ROBO2: variants seen among roughly 807,000 people sequenced by gnomAD.
ROBO2 encodes roundabout guidance receptor 2.
ROBO2 carries 53 observed loss-of-function variants against 160.8 expected under a neutral mutation model. That is an observed-to-expected ratio of 0.33 (90% CI 0.26 to 0.41). The LOEUF (loss-of-function observed/expected upper bound fraction) is 0.41, where lower values mean the gene tolerates loss of function less well. Ranked by LOEUF, ROBO2 falls within the 10% of genes least tolerant of loss-of-function variation. ROBO2 has a pLI of 1.00. For synonymous variants in ROBO2, 664 were observed against 611.7 expected (o/e 1.09, Z -1.26); for missense variants, 1,577 against 1,722.4 (o/e 0.92, Z 1.49).
At chr3:77,589,277 A>G (rs2094127937) in intron 17 of ROBO2, among the ~76,000 whole-genome samples, 1 of 152,100 alleles carries the variant, frequency 6.6e-6, no homozygotes, top group Non-Finnish European at 1.5e-5. Flanking sequence ...CTATGAAGCC[A>G]TGTTTGAGAA....
At chr3:76,210,882 G>A (rs1274595511) in intron 2 of ROBO2, among the ~76,000 whole-genome samples, 1 of 152,064 alleles carries the variant, frequency 6.6e-6, no homozygotes, top group East Asian at 1.9e-4. Context: ...TATCATTTGT[G>A]TATAATTTAA....
chr3:76,367,069 A>C (rs903616036), intron 2 of ROBO2, among the ~76,000 whole-genome samples: 5 of 152,050 alleles, frequency 3.3e-5, no homozygotes, highest in African/African-American at 1.2e-4. Context: ...AGAAACTTTT[A>C]ATTTCCTAAA....
intron 2 of ROBO2, among the ~76,000 whole-genome samples, chr3:76,935,997 A>G (rs576775106): frequency 2.0e-5 from 3 of 152,306 alleles, no homozygotes; most frequent in East Asian, 3.9e-4. Flanking sequence ...TAAGTGGCCA[A>G]TTCTTTTGTT....
chr3:76,566,897 A>G (rs1453978376), intron 2 of ROBO2, among the ~76,000 whole-genome samples: 1 of 152,214 alleles, frequency 6.6e-6, no homozygotes, highest in Non-Finnish European at 1.5e-5. Flanking sequence ...AAAATATTTC[A>G]CTGTGGCACA....
At chr3:77,229,229 T>C (rs1308341215) in intron 2 of ROBO2, among the ~76,000 whole-genome samples, 2 of 152,138 alleles carry the variant, frequency 1.3e-5, no homozygotes, top group Non-Finnish European at 2.9e-5. Context: ...CATTACCTAA[T>C]TCTCTCTTCA....
intron 1 of ROBO2, among the ~76,000 whole-genome samples, chr3:77,069,505 C>T: frequency 6.6e-6 from 1 of 152,118 alleles, no homozygotes; most frequent in East Asian, 1.9e-4. Context: ...AAAGAATATA[C>T]TAATAAAATT....
intron 23 of ROBO2, among the ~76,000 whole-genome samples, chr3:77,623,687 C>T (rs970641167): frequency 1.3e-5 from 2 of 152,158 alleles, no homozygotes; most frequent in Non-Finnish European, 2.9e-5. Flanking sequence ...TCTTCAAATG[C>T]AGAGAGCTGA....
chr3:77,185,455 A>G (rs1373803981), intron 2 of ROBO2, among the ~76,000 whole-genome samples: 3 of 152,028 alleles, frequency 2.0e-5, no homozygotes, highest in Non-Finnish European at 4.4e-5. Context: ...GTCAGTAACA[A>G]AACCACAATG....
intron 5 of ROBO2, among the ~76,000 whole-genome samples, chr3:77,496,202 T>C (rs2086758059): frequency 6.6e-6 from 1 of 152,208 alleles, no homozygotes; most frequent in Non-Finnish European, 1.5e-5. Flanking sequence ...CAGTTAAATA[T>C]TTTAAAAATA....
At chr3:76,454,037 G>A (rs1219263240) in intron 2 of ROBO2, among the ~76,000 whole-genome samples, 1 of 152,100 alleles carries the variant, frequency 6.6e-6, no homozygotes, top group Non-Finnish European at 1.5e-5. Context: ...TTTCTCCAAA[G>A]ACACTAAAAT....
rs201924967 is a variant in ROBO2 at position 76,811,547 on chromosome 3, CTGG to C, written c.110-286464_110-286462del. ...TGGACTTTATACCTCATCCAAACTC[CTGG>C]TGACCAACTCACCCATAACTACAAG... On this transcript the variant is annotated intron_variant, in intron 2 of 26. Coordinates refer to the ROBO2 transcript ENST00000487694. Among the ~76,000 whole-genome samples the C allele has an allele frequency of 4.6e-3, 695 of 152,194 alleles. 9 individuals carry two copies. The highest frequency in any genetic ancestry group is 0.016 in the African/African-American group (662 of 41,542).
intron 2 of ROBO2, among the ~76,000 whole-genome samples, chr3:77,389,454 A>C (rs1161247957): frequency 1.3e-5 from 2 of 152,128 alleles, no homozygotes; most frequent in Non-Finnish European, 2.9e-5. Flanking sequence ...AAAGATTTCC[A>C]TGATCATGCA....
chr3:77,417,519 G>C (rs993695512), intron 2 of ROBO2, among the ~76,000 whole-genome samples: 27 of 151,922 alleles, frequency 1.8e-4, no homozygotes, highest in Non-Finnish European at 1.5e-5. Context: ...AATGCATCAA[G>C]CTTCTTATTG....
At chr3:77,028,652 G>A (rs60533670) in intron 2 of ROBO2, among the ~76,000 whole-genome samples, 5,046 of 152,192 alleles carry the variant, frequency 0.033, 269 homozygotes, top group African/African-American at 0.11. Flanking sequence ...CCTGGGAGAC[G>A]GGGTTGCAGT....
intron 2 of ROBO2, among the ~76,000 whole-genome samples, chr3:76,578,416 A>AC (rs1273858022): frequency 1.3e-5 from 2 of 151,000 alleles, no homozygotes; most frequent in Non-Finnish European, 3.0e-5. Flanking sequence ...TTCACCTCTC[A>AC]CCCCCCATTC....
intron 5 of ROBO2, among the ~76,000 whole-genome samples, chr3:77,511,835 A>G (rs2089434754): frequency 6.6e-6 from 1 of 151,920 alleles, no homozygotes; most frequent in African/African-American, 2.4e-5. Context: ...GCTTCTTACT[A>G]TTTCCCTGCA....
At chr3:76,960,950 T>A (rs1218445367) in intron 2 of ROBO2, among the ~76,000 whole-genome samples, 1 of 152,086 alleles carries the variant, frequency 6.6e-6, no homozygotes, top group East Asian at 1.9e-4. Context: ...TGTAAATCAC[T>A]GAATAGACAA....
intron 2 of ROBO2, among the ~76,000 whole-genome samples, chr3:76,841,882 C>T (rs139668432): frequency 1.0e-3 from 157 of 152,188 alleles, no homozygotes; most frequent in African/African-American, 3.4e-3. Flanking sequence ...CAGCTGATGC[C>T]GATCAGACTC....
At chr3:76,049,206 C>T (rs2067560147) in intron 2 of ROBO2, among the ~76,000 whole-genome samples, 2 of 151,224 alleles carry the variant, frequency 1.3e-5, no homozygotes, top group African/African-American at 4.9e-5. Flanking sequence ...ACATTTATCA[C>T]AAGCATTTTC....
Sources: allele counts gnomAD v4.1 joint callset (sites outside exome capture counted in the v4.1 genomes callset), GRCh38; gene constraint gnomAD v4.1.1; transcripts MANE v1.5; gene names NCBI Gene and HGNC (gene_info 2026-07-23, HGNC 2026-07-21).